INHBA: variants seen among roughly 807,000 people sequenced by gnomAD.
INHBA encodes inhibin subunit beta A.
In INHBA, 1 loss-of-function variant was observed where a neutral mutation model predicts 29.0. That is an observed-to-expected ratio of 0.03 (90% CI 0.01 to 0.16). The LOEUF (loss-of-function observed/expected upper bound fraction) is 0.16. INHBA is among the 10% of genes least tolerant of loss of function. INHBA has a pLI of 1.00. For synonymous variants in INHBA, 242 were observed against 216.8 expected, an observed-to-expected ratio of 1.12 and a Z score of -1.02; for missense variants, 376 against 545.4, an observed-to-expected ratio of 0.69 and a Z score of 3.09.
intron 2 of INHBA, chr7:41,691,438 C>G (rs948913066): frequency 2.0e-5 from 3 of 152,318 alleles, no homozygotes; most frequent in South Asian, 2.1e-4. Context: ...ATTCCTATTG[C>G]TCAGTATCCA....
At chr7:41,698,839 T>C (rs1794707696) in intron 2 of INHBA, among the ~76,000 whole-genome samples, 1 of 152,240 alleles carries the variant, frequency 6.6e-6, no homozygotes, top group South Asian at 2.1e-4. Context: ...TTGTTTATAC[T>C]GCTGCGGCAA....
rs751006513 is a variant in INHBA at position 41,688,210 on chromosome 7, T to A, written c.*1440A>T. On this transcript the variant is annotated 3_prime_UTR_variant, in exon 3 of 3. Transcript: ENST00000242208. The stretch of plus-strand genomic sequence containing the variant: ...ATGTGTATGGACATGGTACAATACA[T>A]GTATATATACATACAGATATGCATA... 1 of 152,264 alleles carries A rather than the reference T, an allele frequency of 6.6e-6. No homozygotes were observed. The highest frequency in any genetic ancestry group is 1.5e-5 in the Non-Finnish European group (1 of 68,044). The allele number at this position is 152,264 out of a possible 1,614,324, so 9.4% of individuals were successfully genotyped here.
chr7:41,699,016 G>A (rs945619320), intron 2 of INHBA, among the ~76,000 whole-genome samples: 11 of 152,180 alleles, frequency 7.2e-5, no homozygotes, highest in Non-Finnish European at 1.2e-4. Context: ...TGTGCCTGAC[G>A]TGCATGGGCT....
At chr7:41,693,232 C>T (rs935699301) in intron 2 of INHBA, among the ~76,000 whole-genome samples, 4 of 151,866 alleles carry the variant, frequency 2.6e-5, no homozygotes, top group South Asian at 4.2e-4. Context: ...CTGACTAGTG[C>T]CCCGGATAGG....
In INHBA at chr7:41,700,476, T is replaced by A. The variant is rs1433776149; in HGVS notation, c.-102A>T. ...GTGTGTGTGGATTTTTTTATTTTTT[T>A]TTTTGGTGTTTTTTTTTTCCTTCTC... is the stretch of plus-strand genomic sequence containing the variant. On this transcript the variant is annotated 5_prime_UTR_variant, in exon 2 of 3. Transcript: ENST00000242208. 24 of 1,182,576 alleles carry A rather than the reference T, an allele frequency of 2.0e-5. No individual in the cohort carries two copies. Among genetic ancestry groups the A allele is most frequent in the Admixed American group, 2.0e-4 (7 of 34,698 alleles). 73.3% of individuals were successfully genotyped at this position (1,182,576 alleles called of 1,614,324 possible).
At position 41,687,210 on chromosome 7, in the gene INHBA, A is replaced by G. The variant is rs946166432; in HGVS notation, c.*2440T>C. On this transcript the variant is annotated 3_prime_UTR_variant, in exon 3 of 3. Transcript: ENST00000242208. ...AAGTGTTATAGTATACCAACTTAGT[A>G]TATTTTTCAAGGAGAGCTAAACCAC... 4 of 152,224 alleles carry G rather than the reference A, an allele frequency of 2.6e-5. No homozygotes were observed. Among genetic ancestry groups the G allele is most frequent in the African/African-American group, 9.6e-5 (4 of 41,468 alleles). 9.4% of individuals were successfully genotyped at this position (152,224 alleles called of 1,614,324 possible). A position where few individuals can be genotyped will look rare whatever the true frequency, so the allele number is the denominator to read the frequency against.
chr7:41,690,679 T>C (rs1458975958), intron 2 of INHBA, 137 bp from the exon 3 acceptor site: 6 of 1,131,766 alleles, frequency 5.3e-6, no homozygotes, highest in South Asian at 1.7e-5. Context: ...TGACAGCCCA[T>C]GGGCTGAAAC....
intron 2 of INHBA, among the ~76,000 whole-genome samples, chr7:41,698,233 A>T (rs747377061): frequency 6.6e-6 from 1 of 152,196 alleles, no homozygotes; most frequent in Non-Finnish European, 1.5e-5. Context: ...GATTTGCTAT[A>T]CAAGTCCAGT....
intron 2 of INHBA, among the ~76,000 whole-genome samples, chr7:41,696,391 A>G (rs1794649244): frequency 6.6e-6 from 1 of 152,188 alleles, no homozygotes; most frequent in Non-Finnish European, 1.5e-5. Flanking sequence ...GAATGTTCAC[A>G]TGTATCACTA....
In INHBA at chr7:41,700,226, G is replaced by C. The variant is rs779271157; in HGVS notation, c.149C>G (p.Ser50Cys). 6 of 1,613,922 alleles carry C rather than the reference G, an allele frequency of 3.7e-6. No individual in the cohort carries two copies. In the African/African-American group the frequency reaches 4.0e-5, roughly 11 times the overall value. Reference protein sequence around the residue: ...LAALPKDVPNSQPEMVEAVKK... With the variant: ...LAALPKDVPNCQPEMVEAVKK... ...GACGGCCTCCACCATCTCTGGCTGA[G>C]AGTTGGGTACATCCTTTGGGAGGGC... Residue 50 changes from serine (S) to cysteine (C), a missense_variant, in exon 2 of 3, where the codon TCT (serine) becomes TGT (cysteine). By Grantham distance (112) the Ser-to-Cys change is moderately radical. This residue lies in a region of INHBA where 71 missense variants were observed against 77.0 expected (regional missense o/e 0.92). Transcript: ENST00000242208.
intron 2 of INHBA, among the ~76,000 whole-genome samples, chr7:41,697,854 A>T (rs1260757117): frequency 6.6e-6 from 1 of 152,224 alleles, no homozygotes; most frequent in Non-Finnish European, 1.5e-5. Context: ...CTTGAAGAGT[A>T]GACAGTCCAT....
chr7:41,693,597 G>A (rs1202174175), intron 2 of INHBA, among the ~76,000 whole-genome samples: 1 of 152,138 alleles, frequency 6.6e-6, no homozygotes, highest in Non-Finnish European at 1.5e-5. Flanking sequence ...AGCTGTACTT[G>A]GAAGCAAATG....
intron 2 of INHBA, among the ~76,000 whole-genome samples, chr7:41,696,226 G>C (rs1448081116): frequency 6.6e-6 from 1 of 152,194 alleles, no homozygotes; most frequent in Non-Finnish European, 1.5e-5. Flanking sequence ...AAAATCAGGG[G>C]AGATGGAAGA....
rs186913882 is a variant in INHBA, at chr7:41,685,993, C to A, written c.*3657G>T. On this transcript the variant is annotated 3_prime_UTR_variant, in exon 3 of 3. Coordinates refer to ENST00000242208, the MANE Select transcript of INHBA (RefSeq NM_002192.4). Reference sequence around the variant, plus strand: ...TTAAGTGAATATGATAATATGGGTCCGTGCTTAATACAACTGAGACATATT... The same window carrying A: ...TTAAGTGAATATGATAATATGGGTCAGTGCTTAATACAACTGAGACATATT... 1.3e-5 allele frequency: 2 copies of A among 151,880 alleles called. No individual in the cohort carries two copies. Among genetic ancestry groups the A allele is most frequent in the Middle Eastern group, 3.2e-3 (1 of 316 alleles). 9.4% of individuals were successfully genotyped at this position (151,880 alleles called of 1,614,324 possible).
chr7:41,699,875 C>A, intron 2 of INHBA, 112 bp downstream of exon 2: 1 of 796,140 alleles, frequency 1.3e-6, no homozygotes, highest in South Asian at 1.7e-5. Context: ...ATAACCTTCC[C>A]AGGCAGTTTC....
At chr7:41,702,406 C>T (rs1794815686) in intron 1 of INHBA, among the ~76,000 whole-genome samples, 1 of 152,140 alleles carries the variant, frequency 6.6e-6, no homozygotes, top group Non-Finnish European at 1.5e-5. Context: ...AATTACTCCA[C>T]CATTATTGTT....
rs768310815 is a variant in INHBA at position 41,690,484 on chromosome 7, C to G, written c.447G>C (p.Val149=). The G allele has an allele frequency of 4.3e-6, 7 of 1,613,486 alleles. No homozygotes were observed. The East Asian group carries it at 1.6e-4, about 36-fold the overall frequency. The part of the protein sequence containing the change: ...EISKEGSDLS[V]VERAEVWLFL... ...AGAGCCAGACTTCTGCACGCTCCAC[C>G]ACTGACAGGTCACTGCCTTCCTTGG... Residue 149 remains valine, a synonymous_variant, in exon 3 of 3, where the codon GTG becomes GTC. Coordinates refer to ENST00000242208, the MANE Select transcript of INHBA (RefSeq NM_002192.4).
intron 2 of INHBA, chr7:41,693,803 T>C (rs1794574856): frequency 6.6e-6 from 1 of 152,152 alleles, no homozygotes; most frequent in Non-Finnish European, 1.5e-5. Context: ...TCCGTTTAAT[T>C]ATCTGAATTG....
rs1794408141 is a variant in INHBA, at chr7:41,687,164, T to TG, written c.*2485dup. The stretch of plus-strand genomic sequence containing the variant: ...CACAGTAAGTGTATTTGCCCAGTAG[T>TG]GACATTGCCTACATATAGCCAAGTG... On this transcript the variant is annotated 3_prime_UTR_variant, in exon 3 of 3. Coordinates refer to ENST00000242208, the MANE Select transcript of INHBA (RefSeq NM_002192.4). 6.6e-6 allele frequency: 1 copy of TG among 152,248 alleles called. No individual in the cohort carries two copies. 9.4% of individuals were successfully genotyped at this position (152,248 alleles called of 1,614,324 possible).
Sources: gnomAD v4.1 joint callset for allele counts (sites outside exome capture counted in the v4.1 genomes callset) on GRCh38, gnomAD v4.1.1 for gene constraint, gnomAD v4.1.1 regional missense constraint, MANE v1.5 for transcripts, NCBI Gene and HGNC (gene_info 2026-07-23, HGNC 2026-07-21) for gene names.